The following PLEK2 variants were observed in gnomAD, a reference collection of about 807,000 sequenced individuals.
The protein encoded by PLEK2 is pleckstrin-2.
In PLEK2, 29 loss-of-function variants were observed where a neutral mutation model predicts 43.8. That is an observed-to-expected ratio of 0.66 (90% CI 0.49 to 0.90). The LOEUF (loss-of-function observed/expected upper bound fraction) is 0.90, where lower values mean the gene tolerates loss of function less well. Ranked by LOEUF, PLEK2 falls within the 40% of genes least tolerant of loss-of-function variation. The pLI is 0.00. For missense variants in PLEK2, 398 were observed against 448.1 expected, an observed-to-expected ratio of 0.89 and a Z score of 1.01; for synonymous variants, 162 against 173.2, an observed-to-expected ratio of 0.94 and a Z score of 0.51.
chr14:67,405,224 CAAAAAAA>C (rs770594121), intron 1 of PLEK2, among the ~76,000 whole-genome samples: 3 of 40,482 alleles, frequency 7.4e-5, no homozygotes, highest in Non-Finnish European at 1.1e-4. Flanking sequence ...GAGTCCATCT[CAAAAAAA>C]AAAAAAAAAA....
chr14:67,387,211 T>C lies in PLEK2; in HGVS notation c.*118A>G. The C allele has an allele frequency of 1.1e-6, 1 of 916,660 alleles. No homozygotes were observed. Among genetic ancestry groups the C allele is most frequent in the East Asian group, 2.9e-5 (1 of 33,938 alleles). The allele number at this position is 916,660 out of a possible 1,614,324, so 56.8% of individuals were successfully genotyped here. A position where few individuals can be genotyped will look rare whatever the true frequency, so the allele number is the denominator to read the frequency against. On this transcript the variant is annotated 3_prime_UTR_variant, in exon 9 of 9. Coordinates refer to ENST00000216446, the MANE Select transcript of PLEK2 (RefSeq NM_016445.3). ...CTGAGGAACTCTTGGCAGCATTCAC[T>C]CTCCAAAGCAGTACAAAACTTACAA...
intron 3 of PLEK2, among the ~76,000 whole-genome samples, chr14:67,393,539 C>T (rs1454658565): frequency 1.3e-5 from 2 of 151,974 alleles, no homozygotes; most frequent in African/African-American, 2.4e-5. Flanking sequence ...CTGTGACCTC[C>T]GCCTCCCAGG....
chr14:67,388,481 T>G (rs2085943509), intron 7 of PLEK2, among the ~76,000 whole-genome samples, 179 bp from the exon 8 acceptor site: 1 of 152,192 alleles, frequency 6.6e-6, no homozygotes, highest in Non-Finnish European at 1.5e-5. Context: ...AGCTTGGGCC[T>G]CTTCATTTCA....
In PLEK2 at chr14:67,397,801, G is replaced by A. The variant is rs531803543; in HGVS notation, c.68C>T (p.Ala23Val). Residue 23 changes from alanine to valine, a missense_variant, in exon 2 of 9, where the codon GCG (alanine) becomes GTG (valine). Physicochemically the swap from Ala to Val is moderately conservative, Grantham distance 64 (BLOSUM62 0). Coordinates refer to ENST00000216446, the MANE Select transcript of PLEK2 (RefSeq NM_016445.3). Reference sequence around the variant, plus strand: ...GTTCTGCCGAAGGATGAACCATCGCGCCTTCCAGTTGTGGACAATGTGGCC... The same window carrying A: ...GTTCTGCCGAAGGATGAACCATCGCACCTTCCAGTTGTGGACAATGTGGCC... ...KRGHIVHNWK[A>V]RWFILRQNTL... is the part of the protein sequence containing the mutation. 1.6e-5 allele frequency: 25 copies of A among 1,612,134 alleles called. No homozygotes were observed. In the Admixed American group the frequency reaches 1.8e-4, roughly 12 times the overall value.
intron 6 of PLEK2, 52 bp downstream of exon 6, chr14:67,392,274 C>T: frequency 8.4e-7 from 1 of 1,188,056 alleles, no homozygotes; most frequent in Non-Finnish European, 1.3e-6. Flanking sequence ...ACTGCTCCCT[C>T]CCCTAAGCTT....
chr14:67,389,321 CAG>C (rs918488981), intron 7 of PLEK2, among the ~76,000 whole-genome samples: 24 of 152,212 alleles, frequency 1.6e-4, no homozygotes, highest in African/African-American at 5.8e-4. Context: ...AGGGCAGTCT[CAG>C]GGAGGACAGG....
intron 1 of PLEK2, among the ~76,000 whole-genome samples, chr14:67,402,029 G>T (rs541901712): frequency 6.6e-6 from 1 of 152,154 alleles, no homozygotes; most frequent in Non-Finnish European, 1.5e-5. Context: ...TACTCAGGAG[G>T]CTGAGGCAGA....
At chr14:67,410,246 C>G (rs1369004180) in intron 1 of PLEK2, among the ~76,000 whole-genome samples, 2 of 151,970 alleles carry the variant, frequency 1.3e-5, no homozygotes, top group Non-Finnish European at 2.9e-5. Flanking sequence ...GAAGGTAACC[C>G]CCAGGAACAG....
rs115317670 is a variant in PLEK2, at chr14:67,393,324, T to C, written c.390-83A>G. 1,730 of 922,924 alleles carry C rather than the reference T, an allele frequency of 1.9e-3. 18 individuals carry two copies. Among genetic ancestry groups the C allele is most frequent in the African/African-American group, 0.017 (1,048 of 61,854 alleles). The allele number at this position is 922,924 out of a possible 1,614,324, so 57.2% of individuals were successfully genotyped here. On this transcript the variant is annotated intron_variant, in intron 3 of 8. Coordinates refer to ENST00000216446, the MANE Select transcript of PLEK2 (RefSeq NM_016445.3). ...GAGGGTCCTGAGTCACTGCTAAGGG[T>C]ATAAAGCAAGTGGCAAATGGTGTGA...
At chr14:67,392,604 T>C in intron 5 of PLEK2, 58 bp downstream of exon 5, 2 of 1,495,610 alleles carry the variant, frequency 1.3e-6, no homozygotes, top group Non-Finnish European at 9.2e-7. Flanking sequence ...GCCCCCATTC[T>C]GTTGTGTCTT....
Position 67,387,250 on chromosome 14 carries a change from C to T in PLEK2, c.*79G>A. The T allele has an allele frequency of 7.0e-7, 1 of 1,425,958 alleles. No individual in the cohort carries two copies. Among genetic ancestry groups the T allele is most frequent in the Admixed American group, 2.3e-5 (1 of 43,686 alleles). 88.3% of individuals were successfully genotyped at this position (1,425,958 alleles called of 1,614,324 possible). A position where few individuals can be genotyped will look rare whatever the true frequency, so the allele number is the denominator to read the frequency against. ...CAAAACTTACAAAGAAGTCAAAAGT[C>T]TTAACACTCCCATTCTCCAGGAACT... On this transcript the variant is annotated 3_prime_UTR_variant, in exon 9 of 9. Coordinates refer to ENST00000216446, the MANE Select transcript of PLEK2 (RefSeq NM_016445.3).
At chr14:67,396,150 T>G (rs2086006937) in intron 2 of PLEK2, among the ~76,000 whole-genome samples, 1 of 151,756 alleles carries the variant, frequency 6.6e-6, no homozygotes, top group African/African-American at 2.4e-5. Context: ...TTTGTTTTGT[T>G]TTTTGTTTTT....
chr14:67,397,259 G>A (rs1344725474), intron 2 of PLEK2, among the ~76,000 whole-genome samples: 1 of 152,152 alleles, frequency 6.6e-6, no homozygotes, highest in Non-Finnish European at 1.5e-5. Flanking sequence ...TAATGGTAGA[G>A]TTGAAGCCAC....
At position 67,395,533 on chromosome 14, in the gene PLEK2, G is replaced by C. The variant is rs764420677; in HGVS notation, c.258C>G (p.Ala86=). 2 of 1,614,162 alleles carry C rather than the reference G, an allele frequency of 1.2e-6. No individual in the cohort carries two copies. The highest frequency in any genetic ancestry group is 1.7e-6 in the Non-Finnish European group (2 of 1,179,988). The change falls in exon 3 of 9, where the codon GCC becomes GCG. Residue 86 remains alanine, a synonymous_variant. Coordinates refer to ENST00000216446, the MANE Select transcript of PLEK2 (RefSeq NM_016445.3). ...AGGCATCCCGCTCCTCTCGAGAACA[G>C]GCCTCCAGGAAGTACTCCGTGGATG... ...TQTSTEYFLE[A]CSREERDAWA...
chr14:67,412,010 G>T lies in PLEK2; in HGVS notation c.42+8C>A, dbSNP rs780843142. 3.2e-5 allele frequency: 50 copies of T among 1,547,888 alleles called. 1 individual carries two copies. Among genetic ancestry groups the T allele is most frequent in the East Asian group, 1.3e-4 (5 of 38,220 alleles). Reference sequence around the variant, plus strand: ...CGGGCAATGTCCCGAAGCTCGACGCGCACTCACCCTCTTGACCAGGAAGCC... The same window carrying T: ...CGGGCAATGTCCCGAAGCTCGACGCTCACTCACCCTCTTGACCAGGAAGCC... On this transcript the variant is annotated splice_region_variant and intron_variant, in intron 1 of 8. Coordinates refer to ENST00000216446, the MANE Select transcript of PLEK2 (RefSeq NM_016445.3).
intron 1 of PLEK2, among the ~76,000 whole-genome samples, chr14:67,406,510 G>T (rs2139894595): frequency 6.6e-6 from 1 of 152,232 alleles, no homozygotes; most frequent in African/African-American, 2.4e-5. Flanking sequence ...TATGGCTTGG[G>T]CTCCATAGGG....
Position 67,390,719 on chromosome 14 carries a change from G to T in PLEK2, c.799C>A (p.Arg267Ser). The change falls in exon 7 of 9, where the codon CGT (arginine) becomes AGT (serine). Residue 267 changes from arginine to serine, a missense_variant. By Grantham distance (110) the Arg-to-Ser change is moderately radical (BLOSUM62 -1). Transcript: ENST00000216446. The part of the protein sequence containing the change: ...QGHKRKNWKV[R>S]RFVLRKDPAF... ...GGATCCTTCCTTAGAACAAAGCGAC[G>T]CACCTTCCAGTTTTTCCTCTTGTGT... 6.2e-7 allele frequency: 1 copy of T among 1,613,330 alleles called. No individual in the cohort carries two copies. The highest frequency in any genetic ancestry group is 8.5e-7 in the Non-Finnish European group (1 of 1,179,316).
chr14:67,391,179 A>G (rs1437879453), intron 6 of PLEK2, among the ~76,000 whole-genome samples: 1 of 152,152 alleles, frequency 6.6e-6, no homozygotes, highest in Non-Finnish European at 1.5e-5. Flanking sequence ...GTGTGCCCAC[A>G]TGTGCAGTAA....
intron 2 of PLEK2, 143 bp from the exon 3 acceptor site, chr14:67,395,726 T>C: frequency 1.6e-6 from 1 of 632,984 alleles, no homozygotes; most frequent in Non-Finnish European, 2.8e-6. Context: ...CAGGTAGTCT[T>C]TAAAGATTCA....
Sources: allele counts gnomAD v4.1 joint callset (sites outside exome capture counted in the v4.1 genomes callset), GRCh38; gene constraint gnomAD v4.1.1; transcripts MANE v1.5; gene names NCBI Gene and HGNC (gene_info 2026-07-23, HGNC 2026-07-21).